PPP4R1: variants seen among roughly 807,000 people sequenced by gnomAD.
PPP4R1 encodes the protein serine/threonine-protein phosphatase 4 regulatory subunit 1.
PPP4R1 carries 42 observed loss-of-function variants against 111.2 expected under a neutral mutation model. The observed-to-expected ratio is 0.38, with a 90% CI of 0.29 to 0.49. The LOEUF is 0.49. Ranked by LOEUF, PPP4R1 falls within the 20% of genes least tolerant of loss-of-function variation. PPP4R1 has a pLI of 0.97. For missense variants in PPP4R1, 1,012 were observed against 1,161.6 expected (o/e 0.87, Z 1.87); for synonymous variants, 409 against 405.5 (o/e 1.01, Z -0.10).
intron 13 of PPP4R1, among the ~76,000 whole-genome samples, chr18:9,560,735 G>A (rs1047761724): frequency 6.6e-6 from 1 of 152,100 alleles, no homozygotes; most frequent in African/African-American, 2.4e-5. Context: ...GTGCACATCT[G>A]TAGTCCCAGC....
intron 19 of PPP4R1, among the ~76,000 whole-genome samples, chr18:9,548,567 C>T: frequency 6.6e-6 from 1 of 152,182 alleles, no homozygotes. Flanking sequence ...CTGCAGATTG[C>T]AAGTGGCACG....
intron 2 of PPP4R1, among the ~76,000 whole-genome samples, chr18:9,611,031 C>T (rs941988045): frequency 6.6e-6 from 1 of 152,114 alleles, no homozygotes; most frequent in Non-Finnish European, 1.5e-5. Flanking sequence ...AATCGAAAGA[C>T]CTGAGACTCT....
intron 16 of PPP4R1, chr18:9,550,611 T>C: frequency 1.8e-6 from 1 of 560,742 alleles, no homozygotes; most frequent in East Asian, 3.3e-5. Flanking sequence ...TTCCTTAGAG[T>C]GTAAGGAAAA....
At chr18:9,574,084 T>C (rs1362661252) in intron 10 of PPP4R1, among the ~76,000 whole-genome samples, 7 of 152,208 alleles carry the variant, frequency 4.6e-5, no homozygotes, top group African/African-American at 1.2e-4. Context: ...ATATTCCTAA[T>C]TGTCAGACTT....
intron 6 of PPP4R1, among the ~76,000 whole-genome samples, chr18:9,585,037 A>AT (rs1259550295): frequency 6.6e-6 from 1 of 152,206 alleles, no homozygotes; most frequent in African/African-American, 2.4e-5. Context: ...ACCACAATCA[A>AT]TAAAAACAAC....
intron 15 of PPP4R1, among the ~76,000 whole-genome samples, chr18:9,555,545 G>A (rs1403131809): frequency 6.6e-6 from 1 of 152,074 alleles, no homozygotes; most frequent in East Asian, 1.9e-4. Flanking sequence ...CAGCCTTCTC[G>A]TCACCAATGA....
At chr18:9,580,519 T>G (rs1275776597) in intron 9 of PPP4R1, among the ~76,000 whole-genome samples, 1 of 152,040 alleles carries the variant, frequency 6.6e-6, no homozygotes, top group Non-Finnish European at 1.5e-5. Flanking sequence ...CCGGCTAATT[T>G]TTTGTATTTG....
chr18:9,579,686 A>AC (rs1360666234), intron 9 of PPP4R1, among the ~76,000 whole-genome samples: 1 of 152,232 alleles, frequency 6.6e-6, no homozygotes, highest in African/African-American at 2.4e-5. Context: ...TCTGTATTGA[A>AC]CAAGTACAGA....
chr18:9,548,789 G>A (rs1301744959), intron 19 of PPP4R1, among the ~76,000 whole-genome samples: 2 of 152,116 alleles, frequency 1.3e-5, no homozygotes, highest in Non-Finnish European at 2.9e-5. Context: ...GTGGTGGCGG[G>A]CACCTGTAAT....
intron 16 of PPP4R1, chr18:9,551,464 G>C (rs1169318783): frequency 6.6e-6 from 1 of 152,320 alleles, no homozygotes; most frequent in Non-Finnish European, 1.5e-5. Context: ...GCCCGACACA[G>C]GGAGCTCACA....
At chr18:9,553,145 TAAAA>T (rs935317893) in intron 16 of PPP4R1, among the ~76,000 whole-genome samples, 173 bp downstream of exon 16, 15 of 151,694 alleles carry the variant, frequency 9.9e-5, no homozygotes, top group African/African-American at 3.1e-4. Flanking sequence ...CAAGAAAAAA[TAAAA>T]AAGCTGAGGA....
Position 9,550,127 on chromosome 18 carries a change from G to A in PPP4R1, c.2472C>T (p.Leu824=), listed in dbSNP as rs2066465521. The A allele has an allele frequency of 5.6e-6, 9 of 1,614,214 alleles. No homozygotes were observed. The highest frequency in any genetic ancestry group is 7.6e-6 in the Non-Finnish European group (9 of 1,180,050). ...CAAAGTTCTCCACAAGCTCATTGAT[G>A]AGGTCCACTCCGAACGTTGGTGGTG... The part of the protein sequence containing the change: ...AATPPTFGVD[L]INELVENFGR... The change falls in exon 18 of 20, where the codon CTC becomes CTT. Residue 824 remains leucine, a synonymous_variant. Transcript: ENST00000400556.
rs1448603373 is a variant in PPP4R1, at chr18:9,547,757, G to A, written c.*32C>T. The A allele has an allele frequency of 6.2e-7, 1 of 1,609,676 alleles. No individual in the cohort carries two copies. The highest frequency in any genetic ancestry group is 8.5e-7 in the Non-Finnish European group (1 of 1,177,826). On this transcript the variant is annotated 3_prime_UTR_variant, in exon 20 of 20. Transcript: ENST00000400556. ...ATGCCCACTGAACCTCGGCTCTCAT[G>A]GAAGCAGGAAAGACACCGAGATTCA...
At chr18:9,588,006 C>G in intron 6 of PPP4R1, 83 bp downstream of exon 6, 2 of 1,520,908 alleles carry the variant, frequency 1.3e-6, no homozygotes, top group Admixed American at 1.9e-5. Flanking sequence ...CATGAGCCAC[C>G]GTGCCTAACC....
intron 4 of PPP4R1, among the ~76,000 whole-genome samples, chr18:9,592,369 T>G (rs769878410): frequency 6.6e-6 from 1 of 152,192 alleles, no homozygotes; most frequent in Admixed American, 6.5e-5. Context: ...CTCCTGGGTA[T>G]GCCCTTTTCC....
chr18:9,592,335 G>C (rs931583346), intron 4 of PPP4R1, among the ~76,000 whole-genome samples: 1 of 152,132 alleles, frequency 6.6e-6, no homozygotes, highest in South Asian at 2.1e-4. Context: ...CCACCATCTT[G>C]AACTCCTTTC....
intron 8 of PPP4R1, 116 bp downstream of exon 8, chr18:9,584,398 CT>C (rs2067081193): frequency 1.2e-6 from 1 of 823,642 alleles, no homozygotes; most frequent in African/African-American, 1.8e-5. Flanking sequence ...AATTATCTTT[CT>C]GGTTTATATT....
At chr18:9,603,377 C>A (rs2067424680) in intron 2 of PPP4R1, among the ~76,000 whole-genome samples, 1 of 151,950 alleles carries the variant, frequency 6.6e-6, no homozygotes, top group South Asian at 2.1e-4. Flanking sequence ...TTAAGAGATG[C>A]CTTTTTGATA....
At chr18:9,553,537 G>T in intron 15 of PPP4R1, 115 bp from the exon 16 acceptor site, 2 of 661,844 alleles carry the variant, frequency 3.0e-6, no homozygotes, top group Non-Finnish European at 5.1e-6. Context: ...AAGAGGAAAT[G>T]TAGTAGCTGT....
Sources: allele counts gnomAD v4.1 joint callset (sites outside exome capture counted in the v4.1 genomes callset), GRCh38; gene constraint gnomAD v4.1.1; transcripts MANE v1.5; gene names NCBI Gene and HGNC (gene_info 2026-07-23, HGNC 2026-07-21).